The following GLMP variants were observed in gnomAD, a reference collection of about 807,000 sequenced individuals.
GLMP encodes the protein kidney lysosomal membrane protein.
A neutral mutation model predicts 39.2 loss-of-function variants in GLMP; 36 were observed. The observed-to-expected ratio is 0.92, with a 90% confidence interval of 0.70 to 1.21. GLMP has a LOEUF of 1.21. Among genes scored for constraint, GLMP ranks in the 50% most tolerant of loss-of-function variants. The pLI is 0.00. For synonymous variants in GLMP, 220 were observed against 218.9 expected (o/e 1.01, Z -0.04); for missense variants, 454 against 505.6 (o/e 0.90, Z 0.98).
chr1:156,295,525 C>A lies in GLMP; in HGVS notation c.120+1G>T. On this transcript the variant is annotated splice_donor_variant, in intron 1 of 5. Coordinates refer to ENST00000362007, the MANE Select transcript of GLMP (RefSeq NM_144580.3). LOFTEE classifies it high-confidence loss of function. ...TATCGCTGTAGCCCCAGGGCCCTCA[C>A]CTGGCGGGTCTTCTCCCCCAGCAGG... 6.6e-7 allele frequency: 1 copy of A among 1,514,806 alleles called. No individual in the cohort carries two copies. The highest frequency in any genetic ancestry group is 8.8e-7 in the Non-Finnish European group (1 of 1,134,830). The allele number at this position is 1,514,806 out of a possible 1,614,324, so 93.8% of individuals were successfully genotyped here.
intron 2 of GLMP, 68 bp downstream of exon 2, chr1:156,294,691 C>A: frequency 6.4e-7 from 1 of 1,563,678 alleles, no homozygotes; most frequent in South Asian, 1.2e-5. Context: ...GTCTTTAGTT[C>A]CACCCTCTAA....
At chr1:156,293,790 G>T in intron 4 of GLMP, 1 of 1,396,244 alleles carries the variant, frequency 7.2e-7, no homozygotes, top group East Asian at 2.5e-5. Context: ...CCTCCTCTTG[G>T]CCCCTAGCCC....
At position 156,294,431 on chromosome 1, in the gene GLMP, G is replaced by T; in HGVS notation, c.513C>A (p.Ala171=). 6.2e-7 allele frequency: 1 copy of T among 1,614,188 alleles called. No individual in the cohort carries two copies. Among genetic ancestry groups the T allele is most frequent in the African/African-American group, 1.3e-5 (1 of 75,042 alleles). The change falls in exon 3 of 6, where the codon GCC becomes GCA. Residue 171 remains alanine (A), a synonymous_variant. Coordinates refer to ENST00000362007, the MANE Select transcript of GLMP (RefSeq NM_144580.3). The stretch of plus-strand genomic sequence containing the variant: ...CGTTCATGGGGTGGCCTTGAAATGT[G>T]GCACTCAGGGTGGCAGGATCCAATG... ...TDSLDPATLS[A]TFQGHPMNDP...
intron 4 of GLMP, 183 bp downstream of exon 4, chr1:156,293,835 T>A: frequency 8.4e-7 from 1 of 1,191,708 alleles, no homozygotes; most frequent in Non-Finnish European, 1.2e-6. Context: ...GTGTAAGTCA[T>A]ATTGCACTTT....
At chr1:156,293,259 G>A in intron 5 of GLMP, 50 bp from the exon 6 acceptor site, 1 of 1,610,382 alleles carries the variant, frequency 6.2e-7, no homozygotes, top group Non-Finnish European at 8.5e-7. Context: ...GGAAAGGCTG[G>A]GAGGCTCAGC....
rs765318504 is a variant in GLMP at position 156,294,863 on chromosome 1, G to T, written c.274C>A (p.Leu92Met). Reference protein sequence around the residue: ...MVATNTPHSTLSVNWSLLLSP... With the variant: ...MVATNTPHSTMSVNWSLLLSP... ...AGCAGGAGGCTCCAGTTGACGCTCAGGGTGCTGTGGGGGGTGTTGGTGGCC... is the reference window on the plus strand; with the variant it reads ...AGCAGGAGGCTCCAGTTGACGCTCATGGTGCTGTGGGGGGTGTTGGTGGCC... The change falls in exon 2 of 6, where the codon CTG becomes ATG. Residue 92 changes from leucine (L) to methionine (M), a missense_variant. Coordinates refer to ENST00000362007, the MANE Select transcript of GLMP (RefSeq NM_144580.3). The T allele has an allele frequency of 1.9e-6, 3 of 1,611,744 alleles. No homozygotes were observed. The highest frequency in any genetic ancestry group is 2.2e-5 in the South Asian group (2 of 90,794).
Position 156,293,501 on chromosome 1 carries a change from C to G in GLMP, c.874G>C (p.Gly292Arg). The G allele has an allele frequency of 6.2e-7, 1 of 1,614,200 alleles. No homozygotes were observed. Among genetic ancestry groups the G allele is most frequent in the Non-Finnish European group, 8.5e-7 (1 of 1,180,034 alleles). ...WRPVAYSQKP[G>R]GRESALPCQA... is the part of the protein sequence containing the mutation. ...CAGGGCAGGGCTGATTCTCGGCCCC[C>G]CGGCTTCTGGGAGTAAGCCACTGGT... The change falls in exon 5 of 6, where the codon GGG becomes CGG. Residue 292 changes from glycine to arginine, a missense_variant. Transcript: ENST00000362007.
In GLMP at chr1:156,293,485, G is replaced by A. The variant is rs902408549; in HGVS notation, c.890C>T (p.Ala297Val). 2.5e-6 allele frequency: 4 copies of A among 1,614,224 alleles called. No homozygotes were observed. The highest frequency in any genetic ancestry group is 3.4e-6 in the Non-Finnish European group (4 of 1,180,046). Reference protein sequence around the residue: ...YSQKPGGRESALPCQASPLHP... With the variant: ...YSQKPGGRESVLPCQASPLHP... Reference sequence around the variant, plus strand: ...AAGAGGGGAAGCTTGGCAGGGCAGGGCTGATTCTCGGCCCCCCGGCTTCTG... The same window carrying A: ...AAGAGGGGAAGCTTGGCAGGGCAGGACTGATTCTCGGCCCCCCGGCTTCTG... The change falls in exon 5 of 6, where the codon GCC becomes GTC. Residue 297 changes from alanine (A) to valine (V), a missense_variant. Coordinates refer to ENST00000362007, the MANE Select transcript of GLMP (RefSeq NM_144580.3).
chr1:156,293,198 A>G lies in GLMP; in HGVS notation c.1067T>C (p.Leu356Pro), dbSNP rs369364093. The change falls in exon 6 of 6, where the codon CTG (leucine) becomes CCG (proline). Residue 356 changes from leucine to proline, a missense_variant. By Grantham distance (98) the Leu-to-Pro change is moderately conservative (BLOSUM62 -3). Coordinates refer to ENST00000362007, the MANE Select transcript of GLMP (RefSeq NM_144580.3). The part of the protein sequence containing the change: ...DQHYLSWSML[L>P]GVGFPPVDGL... ...GTCCACTGGAGGGAAGCCCACACCC[A>G]GGAGCATCGACCTAGAGCAAGCAGA... 22 of 1,613,322 alleles carry G rather than the reference A, an allele frequency of 1.4e-5. No homozygotes were observed. Among genetic ancestry groups the G allele is most frequent in the Non-Finnish European group, 1.8e-5 (21 of 1,179,706 alleles).
chr1:156,294,342 C>G (rs1185652673), intron 3 of GLMP, 23 bp downstream of exon 3: 2 of 1,613,288 alleles, frequency 1.2e-6, no homozygotes, highest in Non-Finnish European at 1.7e-6. Flanking sequence ...TTTTTGAGCT[C>G]TTTCCGATTT....
intron 1 of GLMP, 62 bp from the exon 2 acceptor site, chr1:156,295,078 G>A: frequency 7.7e-7 from 1 of 1,294,066 alleles, no homozygotes; most frequent in South Asian, 1.6e-5. Flanking sequence ...AGGCAAAAGA[G>A]AAGCTTGAGG....
intron 4 of GLMP, 143 bp downstream of exon 4, chr1:156,293,875 G>A: frequency 8.3e-7 from 1 of 1,212,108 alleles, no homozygotes; most frequent in South Asian, 1.3e-5. Flanking sequence ...GCAGAGACTG[G>A]GTCAGATTCA....
In GLMP at chr1:156,295,580, C is replaced by T; in HGVS notation, c.66G>A (p.Trp22Ter). The T allele has an allele frequency of 6.4e-7, 1 of 1,560,064 alleles. No homozygotes were observed. The highest frequency in any genetic ancestry group is 8.7e-7 in the Non-Finnish European group (1 of 1,154,644). Residue 22 changes from tryptophan to a stop codon, truncating the protein, a stop_gained, in exon 1 of 6, where the codon TGG becomes TGA. Coordinates refer to ENST00000362007, the MANE Select transcript of GLMP (RefSeq NM_144580.3). LOFTEE classifies it high-confidence loss of function. ...GHCAPSPLLL[W>*]TLLLFAAPFG... ...ATGGGGCTGCAAACAGAAGTAGAGTCCAAAGGAGCAGGGGGCTGGGGGCAC... is the reference window on the plus strand; with the variant it reads ...ATGGGGCTGCAAACAGAAGTAGAGTTCAAAGGAGCAGGGGGCTGGGGGCAC...
rs761212212 is a variant in GLMP, at chr1:156,295,005, C to T, written c.132G>A (p.Glu44=). ...LGEKTRQVSL[E]VIPNWLGPLQ... is the part of the protein sequence containing the mutation. ...GGGGGCCCAGCCAGTTAGGGATGACCTCCAGAGACACCTGGAACATGGAGT... is the reference window on the plus strand; with the variant it reads ...GGGGGCCCAGCCAGTTAGGGATGACTTCCAGAGACACCTGGAACATGGAGT... Residue 44 remains glutamate (E), a synonymous_variant, in exon 2 of 6, where the codon GAG becomes GAA. Coordinates refer to ENST00000362007, the MANE Select transcript of GLMP (RefSeq NM_144580.3). 3 of 1,564,118 alleles carry T rather than the reference C, an allele frequency of 1.9e-6. No homozygotes were observed. Among genetic ancestry groups the T allele is most frequent in the Non-Finnish European group, 2.6e-6 (3 of 1,149,874 alleles).
chr1:156,295,506 T>C lies in GLMP; in HGVS notation c.120+20A>G, dbSNP rs779970065. ...TAGCGTTTCCTGAAACTTCTATCGC[T>C]GTAGCCCCAGGGCCCTCACCTGGCG... On this transcript the variant is annotated intron_variant, in intron 1 of 5. Coordinates refer to ENST00000362007, the MANE Select transcript of GLMP (RefSeq NM_144580.3). 6.7e-7 allele frequency: 1 copy of C among 1,483,768 alleles called. No individual in the cohort carries two copies. The highest frequency in any genetic ancestry group is 8.9e-7 in the Non-Finnish European group (1 of 1,118,724). The allele number at this position is 1,483,768 out of a possible 1,614,324, so 91.9% of individuals were successfully genotyped here.
intron 2 of GLMP, 28 bp downstream of exon 2, chr1:156,294,731 C>T (rs1180107989): frequency 1.9e-6 from 3 of 1,546,484 alleles, no homozygotes; most frequent in Admixed American, 1.9e-5. Context: ...CTGCACTCTT[C>T]TCCTTGGTTC....
intron 4 of GLMP, 187 bp from the exon 5 acceptor site, chr1:156,293,763 C>G (rs994598438): frequency 1.8e-5 from 27 of 1,522,182 alleles, no homozygotes; most frequent in Middle Eastern, 1.7e-4. Context: ...TTCCAAACCT[C>G]CAAGTCTGGA....
chr1:156,292,984 CAG>C lies in GLMP; in HGVS notation c.*58_*59del, dbSNP rs1164256159. 1.9e-6 allele frequency: 3 copies of C among 1,567,046 alleles called. No homozygotes were observed. Among genetic ancestry groups the C allele is most frequent in the Non-Finnish European group, 2.6e-6 (3 of 1,152,280 alleles). On this transcript the variant is annotated 3_prime_UTR_variant, in exon 6 of 6. Transcript: ENST00000362007. ...GGCTGGAACTTGATGCTCCAACCTC[CAG>C]AGTTTCGAGGCACAGCAAGACAGGT...
Position 156,293,496 on chromosome 1 carries a change from GC to G in GLMP, c.878del (p.Gly293AlafsTer17), listed in dbSNP as rs1490438727. 1 of 1,614,130 alleles carries G rather than the reference GC, an allele frequency of 6.2e-7. No individual in the cohort carries two copies. The highest frequency in any genetic ancestry group is 1.1e-5 in the South Asian group (1 of 91,086). ...RPVAYSQKPG[G>X]RESALPCQAS... is the part of the protein sequence containing the mutation. ...CTTGGCAGGGCAGGGCTGATTCTCG[GC>G]CCCCCGGCTTCTGGGAGTAAGCCAC... On this transcript the variant is annotated frameshift_variant, in exon 5 of 6. Coordinates refer to ENST00000362007, the MANE Select transcript of GLMP (RefSeq NM_144580.3). LOFTEE classifies it high-confidence loss of function.
Sources: gnomAD v4.1 joint callset for allele counts on GRCh38, gnomAD v4.1.1 for gene constraint, MANE v1.5 for transcripts, NCBI Gene and HGNC (gene_info 2026-07-23, HGNC 2026-07-21) for gene names.